LIPC: variants seen among roughly 807,000 people sequenced by gnomAD.
LIPC encodes the protein hepatic triacylglycerol lipase.
In LIPC, 44 loss-of-function variants were observed where a neutral mutation model predicts 50.7. The ratio of observed to expected loss-of-function variants is 0.87; its 90% CI spans 0.68 to 1.11. LIPC has a LOEUF of 1.11. LIPC is among the 50% of genes most tolerant of loss of function. The probability of loss-of-function intolerance (pLI) is 0.00; values close to 1 mark genes in which losing one functional copy is unlikely to be tolerated. For missense variants in LIPC, 697 were observed against 648.2 expected (o/e 1.08, Z -0.82); for synonymous variants, 271 against 256.4 (o/e 1.06, Z -0.54).
In LIPC at chr15:58,520,039, C is replaced by T. The variant is rs940485185; in HGVS notation, c.89-18294C>T. Among the ~76,000 whole-genome samples, 8 of 151,024 alleles carry T rather than the reference C, an allele frequency of 5.3e-5. 1 individual carries two copies. The highest frequency in any genetic ancestry group is 8.8e-5 in the Non-Finnish European group (6 of 67,960). ...TAGATGGTAGGTCCAGAAACTTGGA[C>T]TCTACATCCAGCATCTAGTGATGTG... On this transcript the variant is annotated intron_variant, in intron 1 of 8. Transcript: ENST00000299022.
Position 58,432,110 on chromosome 15 carries a change from C to G in LIPC, c.78C>G (p.Ser26Arg), listed in dbSNP as rs780267766. ...TCCAATCAAGTGCCCTTGGACAAAG[C>G]CTGAAACCAGGTAAGAGCCTGACTT... ...IFIQSSALGQSLKPEPFGRRA... is the reference protein window; with the variant it reads ...IFIQSSALGQRLKPEPFGRRA... The change falls in exon 1 of 9, where the codon AGC becomes AGG. Residue 26 changes from serine (S) to arginine (R), a missense_variant. Ser to Arg is a moderately radical substitution (Grantham distance 110). Coordinates refer to ENST00000299022, the MANE Select transcript of LIPC (RefSeq NM_000236.3). The G allele has an allele frequency of 9.3e-6, 15 of 1,612,044 alleles. No individual in the cohort carries two copies. Among genetic ancestry groups the G allele is most frequent in the East Asian group, 6.7e-5 (3 of 44,876 alleles).
At chr15:58,517,851 G>A (rs760406652) in intron 1 of LIPC, among the ~76,000 whole-genome samples, 2 of 152,190 alleles carry the variant, frequency 1.3e-5, no homozygotes, top group Admixed American at 6.5e-5. Flanking sequence ...AAAGGCAGGC[G>A]TCACAGCTCC....
chr15:58,558,778 G>T (rs865917630), intron 6 of LIPC, among the ~76,000 whole-genome samples: 16 of 152,086 alleles, frequency 1.1e-4, no homozygotes, highest in Admixed American at 2.0e-4. Flanking sequence ...TGGTGTATAG[G>T]GTACTGTAGT....
chr15:58,519,854 G>T (rs1270801283), intron 1 of LIPC, among the ~76,000 whole-genome samples: 1 of 152,072 alleles, frequency 6.6e-6, no homozygotes, highest in African/African-American at 2.4e-5. Flanking sequence ...TCAGATGGGG[G>T]GCAGGTGGGA....
At chr15:58,509,214 A>G (rs1379239816) in intron 1 of LIPC, among the ~76,000 whole-genome samples, 3 of 152,158 alleles carry the variant, frequency 2.0e-5, no homozygotes, top group African/African-American at 7.2e-5. Context: ...GAATCCATCA[A>G]TGTCACCAGC....
intron 2 of LIPC, 127 bp from the exon 3 acceptor site, chr15:58,541,658 C>T: frequency 1.0e-6 from 1 of 953,650 alleles, no homozygotes; most frequent in Non-Finnish European, 1.6e-6. Flanking sequence ...CCCAAAATGT[C>T]AACTGTGCAT....
At chr15:58,499,016 G>A (rs116096984) in intron 1 of LIPC, among the ~76,000 whole-genome samples, 8 of 152,264 alleles carry the variant, frequency 5.3e-5, no homozygotes, top group African/African-American at 9.6e-5. Flanking sequence ...GCCTTGCTTC[G>A]CTGAGCATGG....
intron 1 of LIPC, among the ~76,000 whole-genome samples, chr15:58,488,302 T>C (rs1891446928): frequency 6.6e-6 from 1 of 152,182 alleles, no homozygotes. Context: ...GCTCAATTCC[T>C]GAGACTCCTT....
intron 1 of LIPC, among the ~76,000 whole-genome samples, chr15:58,446,368 A>G (rs531626036): frequency 6.6e-6 from 1 of 152,314 alleles, no homozygotes; most frequent in African/African-American, 2.4e-5. Context: ...ACATTCTCCT[A>G]CATAGCCCCA....
rs77823915 is a variant in LIPC at position 58,541,587 on chromosome 15, A to G, written c.274-198A>G. Among the ~76,000 whole-genome samples, 1,514 of 152,244 alleles carry G rather than the reference A, an allele frequency of 9.9e-3. 52 individuals are homozygous for G. The East Asian group carries it at 0.12, about 12-fold the overall frequency. On this transcript the variant is annotated intron_variant, in intron 2 of 8. Coordinates refer to ENST00000299022, the MANE Select transcript of LIPC (RefSeq NM_000236.3). The stretch of plus-strand genomic sequence containing the variant: ...TGCTGGCATCTAGTTGGTGAAGGCC[A>G]GGAATGCTGCTAAACATCGTACAAT...
At chr15:58,494,675 G>A in intron 1 of LIPC, 1 of 442,166 alleles carries the variant, frequency 2.3e-6, no homozygotes, top group South Asian at 1.6e-5. Flanking sequence ...ATTTCACATT[G>A]CCAATACCCA....
In LIPC at chr15:58,535,466, G is replaced by C. The variant is rs139351961; in HGVS notation, c.89-2867G>C. 2.2e-4 allele frequency among the ~76,000 whole-genome samples: 34 copies of C among 152,348 alleles called. No homozygotes were observed. The East Asian group carries it at 6.4e-3, about 29-fold the overall frequency. ...AGGGCCCTGTTCAGTCCAGTTGTTT[G>C]TGGGGCTTTCCATCTGACAACTGTT... On this transcript the variant is annotated intron_variant, in intron 1 of 8. Transcript: ENST00000299022.
intron 1 of LIPC, among the ~76,000 whole-genome samples, chr15:58,525,606 C>T (rs758615752): frequency 6.6e-6 from 1 of 152,214 alleles, no homozygotes; most frequent in South Asian, 2.1e-4. Flanking sequence ...TCCCAGTAGG[C>T]CATGTCTATG....
chr15:58,507,084 C>T (rs1351699446), intron 1 of LIPC, among the ~76,000 whole-genome samples: 1 of 152,170 alleles, frequency 6.6e-6, no homozygotes, highest in African/African-American at 2.4e-5. Context: ...CAATGATCTT[C>T]ACCTGGTCCC....
At chr15:58,485,708 G>C (rs1364525232) in intron 1 of LIPC, among the ~76,000 whole-genome samples, 1 of 152,234 alleles carries the variant, frequency 6.6e-6, no homozygotes, top group Non-Finnish European at 1.5e-5. Flanking sequence ...AATCAGAGAA[G>C]TTCCAAAGCT....
intron 1 of LIPC, chr15:58,454,812 G>C (rs1894050468): frequency 6.6e-6 from 1 of 152,230 alleles, no homozygotes; most frequent in Non-Finnish European, 1.5e-5. Context: ...TTTCCCCAGG[G>C]AAGATGAAAG....
chr15:58,527,693 A>G (rs1329545114), intron 1 of LIPC, among the ~76,000 whole-genome samples: 4 of 152,226 alleles, frequency 2.6e-5, no homozygotes, highest in Non-Finnish European at 4.4e-5. Context: ...TTTTGAAAGC[A>G]TGGTCTGTCT....
chr15:58,515,030 C>T (rs1892442778), intron 1 of LIPC, among the ~76,000 whole-genome samples: 2 of 152,100 alleles, frequency 1.3e-5, no homozygotes, highest in African/African-American at 4.8e-5. Context: ...TTCTAGAGGC[C>T]ACCTACGTTC....
intron 1 of LIPC, among the ~76,000 whole-genome samples, chr15:58,459,889 G>A (rs1452880228): frequency 6.6e-6 from 1 of 152,238 alleles, no homozygotes; most frequent in African/African-American, 2.4e-5. Context: ...GGCCCTGAGT[G>A]GGGCCACTGC....
Sources: allele counts gnomAD v4.1 joint callset (sites outside exome capture counted in the v4.1 genomes callset), GRCh38; gene constraint gnomAD v4.1.1; transcripts MANE v1.5; gene names NCBI Gene and HGNC (gene_info 2026-07-23, HGNC 2026-07-21).